UNC13C: variants seen among roughly 807,000 people sequenced by gnomAD.
UNC13C encodes unc-13 homolog C.
Under a neutral mutation model 245.4 loss-of-function variants are expected in UNC13C, and 174 were observed. The observed-to-expected ratio is 0.71, with a 90% CI of 0.63 to 0.80. UNC13C has a LOEUF of 0.80. Among genes scored for constraint, UNC13C ranks in the 30% least tolerant of loss-of-function variants. UNC13C has a pLI of 0.00. For missense variants in UNC13C, 2,829 were observed against 2,602.9 expected (o/e 1.09, Z -1.89); for synonymous variants, 992 against 895.1 (o/e 1.11, Z -1.93).
At chr15:54,456,212 C>T (rs1398046110) in intron 19 of UNC13C, among the ~76,000 whole-genome samples, 2 of 152,096 alleles carry the variant, frequency 1.3e-5, no homozygotes, top group African/African-American at 4.8e-5. Flanking sequence ...GGCCTACATG[C>T]CTGTTTTTCA....
intron 29 of UNC13C, among the ~76,000 whole-genome samples, chr15:54,566,337 G>A (rs946606583): frequency 6.6e-6 from 1 of 151,984 alleles, no homozygotes; most frequent in Admixed American, 6.6e-5. Flanking sequence ...AACAGTTCTG[G>A]ACTAATAGTC....
the UNC13C span, among the ~76,000 whole-genome samples, chr15:53,858,732 A>G: frequency 6.6e-6 from 1 of 152,164 alleles, no homozygotes; most frequent in Non-Finnish European, 1.5e-5. Context: ...ATAATGAAAT[A>G]GGCTCAGAAA....
chr15:53,956,875 A>AGTGTGTGTGTGTGTGT, the UNC13C span, among the ~76,000 whole-genome samples: 22,316 of 139,470 alleles, frequency 0.16, 2,091 homozygotes, highest in Non-Finnish European at 0.2. Flanking sequence ...GTTAAGCTCA[A>AGTGTGTGTGTGTGTGT]GTGTGTGTGT....
Position 54,264,355 on chromosome 15 carries a change from G to T in UNC13C, c.3636G>T (p.Leu1212=). 6.2e-7 allele frequency: 1 copy of T among 1,604,696 alleles called. No homozygotes were observed. The highest frequency in any genetic ancestry group is 8.5e-7 in the Non-Finnish European group (1 of 1,175,252). The change falls in exon 9 of 33, where the codon CTG becomes CTT. Residue 1212 remains leucine, a synonymous_variant. Coordinates refer to ENST00000260323, the MANE Select transcript of UNC13C (RefSeq NM_001080534.3). ...QFTKAAKQSV[L]DGTSKWSAKI... ...CAAAGGCGGCCAAACAGAGTGTACT[G>T]GATGGGACATCTAAGTGGTCTGCAA... is the stretch of plus-strand genomic sequence containing the variant.
In UNC13C at chr15:54,626,873, C is replaced by T; in HGVS notation, c.6405C>T (p.Leu2135=). The T allele has an allele frequency of 6.2e-7, 1 of 1,613,194 alleles. No individual in the cohort carries two copies. The highest frequency in any genetic ancestry group is 8.5e-7 in the Non-Finnish European group (1 of 1,179,500). The change falls in exon 33 of 33, where the codon CTC becomes CTT. Residue 2135 remains leucine, a synonymous_variant. Coordinates refer to ENST00000260323, the MANE Select transcript of UNC13C (RefSeq NM_001080534.3). Reference sequence around the variant, plus strand: ...GACCAGGGGCTTATGAACTTCATCTCTCAGTTAAGGATTACTGCTTTGCCA... The same window carrying T: ...GACCAGGGGCTTATGAACTTCATCTTTCAGTTAAGGATTACTGCTTTGCCA... ...ENRPGAYELH[L]SVKDYCFARE... is the part of the protein sequence containing the mutation.
intron 2 of UNC13C, among the ~76,000 whole-genome samples, chr15:54,093,116 C>G (rs1899657353): frequency 6.6e-6 from 1 of 151,558 alleles, no homozygotes; most frequent in African/African-American, 2.4e-5. Context: ...CTTATAAGTC[C>G]TACTTCAGCT....
chr15:54,490,474 A>G (rs1037500306), intron 19 of UNC13C, among the ~76,000 whole-genome samples: 3 of 152,122 alleles, frequency 2.0e-5, no homozygotes, highest in Admixed American at 1.3e-4. Context: ...GAGGAGATCT[A>G]TAAGTTCTGA....
the UNC13C span, among the ~76,000 whole-genome samples, chr15:53,917,708 C>G: frequency 6.6e-6 from 1 of 152,184 alleles, no homozygotes; most frequent in Non-Finnish European, 1.5e-5. Flanking sequence ...ATCTGTCATA[C>G]TTTCCCTAGA....
the UNC13C span, among the ~76,000 whole-genome samples, chr15:53,889,721 A>G: frequency 1.3e-5 from 2 of 152,206 alleles, no homozygotes; most frequent in Admixed American, 6.5e-5. Flanking sequence ...ATTTTGTGAT[A>G]CATTCCATCA....
intron 18 of UNC13C, among the ~76,000 whole-genome samples, chr15:54,403,120 T>C (rs1476857569): frequency 6.6e-6 from 1 of 152,216 alleles, no homozygotes; most frequent in Non-Finnish European, 1.5e-5. Context: ...AACAGTTATC[T>C]AAACTCAGTA....
At chr15:53,991,987 T>G (rs1009189302) in intron 1 of UNC13C, among the ~76,000 whole-genome samples, 5 of 152,072 alleles carry the variant, frequency 3.3e-5, no homozygotes, top group African/African-American at 1.2e-4. Flanking sequence ...CATTATATAG[T>G]ATATTCACTC....
At chr15:54,404,859 A>G (rs2040261406) in intron 18 of UNC13C, among the ~76,000 whole-genome samples, 1 of 152,146 alleles carries the variant, frequency 6.6e-6, no homozygotes, top group South Asian at 2.1e-4. Context: ...TCATAAAACC[A>G]TTCAGTGCTG....
At chr15:54,330,881 C>G (rs1000582856) in intron 14 of UNC13C, among the ~76,000 whole-genome samples, 1 of 152,024 alleles carries the variant, frequency 6.6e-6, no homozygotes, top group African/African-American at 2.4e-5. Flanking sequence ...GAAGGCAGGG[C>G]TCATTTCTTA....
chr15:54,113,158 G>C (rs1401418661), intron 2 of UNC13C, among the ~76,000 whole-genome samples: 2 of 152,084 alleles, frequency 1.3e-5, no homozygotes, highest in Non-Finnish European at 2.9e-5. Flanking sequence ...AACTCGTTGG[G>C]AGAAGAGATT....
intron 27 of UNC13C, among the ~76,000 whole-genome samples, chr15:54,548,208 CTTTTTTTTTT>C (rs60975842): frequency 6.9e-4 from 43 of 61,930 alleles, no homozygotes; most frequent in African/African-American, 9.2e-4. Flanking sequence ...GTTTCTTTTG[CTTTTTTTTTT>C]TTTTTTTTTT....
At chr15:54,381,335 T>C (rs1342012127) in intron 17 of UNC13C, among the ~76,000 whole-genome samples, 2 of 152,184 alleles carry the variant, frequency 1.3e-5, no homozygotes, top group African/African-American at 4.8e-5. Flanking sequence ...AGCACCATAC[T>C]GTTTTGGTTA....
intron 8 of UNC13C, among the ~76,000 whole-genome samples, chr15:54,257,067 CAG>C (rs1301855461): frequency 6.6e-6 from 1 of 152,156 alleles, no homozygotes; most frequent in African/African-American, 2.4e-5. Context: ...TCCTAGAAGT[CAG>C]AGTCTAGTTA....
At chr15:54,399,088 A>G (rs2140926326) in intron 18 of UNC13C, among the ~76,000 whole-genome samples, 1 of 151,826 alleles carries the variant, frequency 6.6e-6, no homozygotes, top group East Asian at 1.9e-4. Flanking sequence ...AAATAAATCA[A>G]AAGATCTTTA....
At chr15:54,474,001 G>A (rs1294567641) in intron 19 of UNC13C, among the ~76,000 whole-genome samples, 1 of 151,880 alleles carries the variant, frequency 6.6e-6, no homozygotes, top group African/African-American at 2.4e-5. Flanking sequence ...TTCTGCAAAA[G>A]ACATAATGTC....
Sources: allele counts gnomAD v4.1 joint callset (sites outside exome capture counted in the v4.1 genomes callset), GRCh38; gene constraint gnomAD v4.1.1; transcripts MANE v1.5; gene names NCBI Gene and HGNC (gene_info 2026-07-23, HGNC 2026-07-21).